Variants in SIN3B observed in about 807,000 individuals in gnomAD.
The protein encoded by SIN3B is SIN3 transcription regulator family member B.
In SIN3B, 19 loss-of-function variants were observed where a neutral mutation model predicts 120.2. The observed-to-expected ratio is 0.16, with a 90% CI of 0.11 to 0.23. The LOEUF (loss-of-function observed/expected upper bound fraction) is 0.23. Among genes scored for constraint, SIN3B ranks in the 10% least tolerant of loss-of-function variants. The pLI, the probability that SIN3B is intolerant of heterozygous loss-of-function variation, is 1.00. For missense variants in SIN3B, 1,073 were observed against 1,573.0 expected, an observed-to-expected ratio of 0.68 and a Z score of 5.38; for synonymous variants, 654 against 653.2, an observed-to-expected ratio of 1.00 and a Z score of -0.02.
At chr19:16,868,382 C>T (rs1599610347) in intron 12 of SIN3B, among the ~76,000 whole-genome samples, 2 of 152,174 alleles carry the variant, frequency 1.3e-5, no homozygotes, top group Admixed American at 6.5e-5. Flanking sequence ...ATGGCATCCA[C>T]GCTCATTTTC....
intron 13 of SIN3B, 97 bp from the exon 14 acceptor site, chr19:16,871,132 A>C (rs2051504670): frequency 4.7e-6 from 7 of 1,487,596 alleles, no homozygotes; most frequent in Non-Finnish European, 5.6e-6. Flanking sequence ...GTTGGGCCCC[A>C]TGGGGGCATT....
At chr19:16,857,852 C>CTT (rs1971637278) in intron 8 of SIN3B, among the ~76,000 whole-genome samples, 1 of 151,960 alleles carries the variant, frequency 6.6e-6, no homozygotes, top group African/African-American at 2.4e-5. Context: ...CTTTGCTTTG[C>CTT]TTCTTTTCTC....
chr19:16,877,445 G>A (rs944847945), intron 16 of SIN3B, 100 bp from the exon 17 acceptor site: 22 of 827,902 alleles, frequency 2.7e-5, no homozygotes, highest in Middle Eastern at 2.2e-4. Flanking sequence ...GCAGTGGGGG[G>A]CACAGAACCC....
At chr19:16,856,693 T>G (rs895936064) in intron 8 of SIN3B, among the ~76,000 whole-genome samples, 6 of 152,054 alleles carry the variant, frequency 3.9e-5, no homozygotes, top group African/African-American at 1.2e-4. Context: ...TGCCTCATCC[T>G]CCTGAGTAGC....
rs1161898792 is a variant in SIN3B at position 16,830,364 on chromosome 19, T to A, written c.227+467T>A. Among the ~76,000 whole-genome samples the A allele has an allele frequency of 2.0e-5, 3 of 152,254 alleles. No homozygotes were observed. In the East Asian group the frequency reaches 5.8e-4, roughly 29 times the overall value. On this transcript the variant is annotated intron_variant, in intron 2 of 18. Coordinates refer to ENST00000248054, the MANE Select transcript of SIN3B (RefSeq NM_001297595.2). Reference sequence around the variant, plus strand: ...CTGTGGTCCCAGGCCTGCTTGGAAGTAAGACGCATAAAATGCTTAGTAAGG... The same window carrying A: ...CTGTGGTCCCAGGCCTGCTTGGAAGAAAGACGCATAAAATGCTTAGTAAGG...
chr19:16,873,069 G>A (rs1490781243), intron 14 of SIN3B, among the ~76,000 whole-genome samples: 3 of 152,036 alleles, frequency 2.0e-5, no homozygotes, highest in Admixed American at 6.6e-5. Flanking sequence ...GTGCGAGGCC[G>A]CACTCTGTGT....
chr19:16,853,983 A>G (rs892062168), intron 7 of SIN3B, among the ~76,000 whole-genome samples, 160 bp from the exon 8 acceptor site: 2 of 151,892 alleles, frequency 1.3e-5, no homozygotes, highest in African/African-American at 4.8e-5. Flanking sequence ...TGGTGCATGG[A>G]TTGCGTGCAT....
At chr19:16,869,152 G>T (rs999057072) in intron 12 of SIN3B, among the ~76,000 whole-genome samples, 2 of 152,300 alleles carry the variant, frequency 1.3e-5, no homozygotes, top group Admixed American at 1.3e-4. Context: ...GCTTGACGCT[G>T]TCAGACCCCC....
At position 16,862,329 on chromosome 19, in the gene SIN3B, A is replaced by G; in HGVS notation, c.1059-23A>G. On this transcript the variant is annotated intron_variant, in intron 8 of 18. Transcript: ENST00000248054. The surrounding 1 kb of genome is among the most constrained non-coding windows in gnomAD (Gnocchi z 4.7). ...CAGAAGGCCCTGGGGATGACCAGTT[A>G]CCATGTGTCTTTATCTTTGAAGGAA... is the stretch of plus-strand genomic sequence containing the variant. 1 of 1,597,792 alleles carries G rather than the reference A, an allele frequency of 6.3e-7. No homozygotes were observed. The highest frequency in any genetic ancestry group is 1.1e-5 in the South Asian group (1 of 90,674).
rs1971567144 is a variant in SIN3B, at chr19:16,853,163, G to T, written c.939+5G>T. The T allele has an allele frequency of 3.1e-6, 5 of 1,613,684 alleles. No individual in the cohort carries two copies. Among genetic ancestry groups the T allele is most frequent in the Non-Finnish European group, 4.2e-6 (5 of 1,179,560 alleles). On this transcript the variant is annotated splice_donor_5th_base_variant and intron_variant, in intron 7 of 18. Transcript: ENST00000248054. ...GAATTTTCTTTCTTTGACAAGGTGA[G>T]GGTGGGCCCTGGCTTCCATCTTGGG...
At chr19:16,866,591 G>T (rs938056288) in intron 12 of SIN3B, 35 bp downstream of exon 12, 2 of 1,604,608 alleles carry the variant, frequency 1.2e-6, no homozygotes, top group Admixed American at 1.7e-5. Context: ...GCCGGTGGGG[G>T]TGGGGTCCTG....
intron 3 of SIN3B, among the ~76,000 whole-genome samples, chr19:16,834,772 T>C (rs1173390697): frequency 6.6e-6 from 1 of 152,032 alleles, no homozygotes; most frequent in African/African-American, 2.4e-5. Context: ...ATGAGAGATA[T>C]CCCAGGTCCA....
intron 3 of SIN3B, among the ~76,000 whole-genome samples, chr19:16,832,701 C>T (rs1416933128): frequency 2.0e-5 from 3 of 151,898 alleles, no homozygotes; most frequent in Admixed American, 1.3e-4. Flanking sequence ...CAGGGTCTCA[C>T]TATGTTGCCC....
chr19:16,870,843 C>T (rs529665252), intron 13 of SIN3B, among the ~76,000 whole-genome samples: 51 of 152,298 alleles, frequency 3.3e-4, no homozygotes, highest in African/African-American at 1.1e-3. Context: ...CATGAGCCAC[C>T]GCGCCCAGCC....
chr19:16,841,806 C>G lies in SIN3B; in HGVS notation c.420C>G (p.Phe140Leu). The G allele has an allele frequency of 6.2e-7, 1 of 1,614,124 alleles. No homozygotes were observed. Among genetic ancestry groups the G allele is most frequent in the Non-Finnish European group, 8.5e-7 (1 of 1,180,030 alleles). The change falls in exon 4 of 19, where the codon TTC becomes TTG. Residue 140 changes from phenylalanine (F) to leucine (L), a missense_variant. This residue lies in a region of SIN3B where 395 missense variants were observed against 528.0 expected (regional missense o/e 0.75). Transcript: ENST00000248054. ...SHNHGDGAEDFKQQVPYKEDK... is the reference protein window; with the variant it reads ...SHNHGDGAEDLKQQVPYKEDK... ...ACCACGGGGACGGTGCAGAGGACTT[C>G]AAGCAGCAGGTGCCGTATAAAGAGG...
chr19:16,870,000 C>A lies in SIN3B; in HGVS notation c.2347C>A (p.Arg783=). 7 of 1,613,750 alleles carry A rather than the reference C, an allele frequency of 4.3e-6. No individual in the cohort carries two copies. Among genetic ancestry groups the A allele is most frequent in the Non-Finnish European group, 5.9e-6 (7 of 1,179,964 alleles). The part of the protein sequence containing the change: ...QLLEYRTEKE[R]EKLLCEGRRE... Reference sequence around the variant, plus strand: ...TCTGGAGTATCGGACCGAGAAGGAGCGGGAGAAGCTGCTGTGTGAGGGCCG... The same window carrying A: ...TCTGGAGTATCGGACCGAGAAGGAGAGGGAGAAGCTGCTGTGTGAGGGCCG... The change falls in exon 13 of 19, where the codon CGG becomes AGG. Residue 783 remains arginine (R), a synonymous_variant. Coordinates refer to ENST00000248054, the MANE Select transcript of SIN3B (RefSeq NM_001297595.2).
intron 14 of SIN3B, 187 bp downstream of exon 14, chr19:16,871,585 A>G (rs2051512382): frequency 3.4e-6 from 2 of 583,476 alleles, no homozygotes; most frequent in Admixed American, 3.4e-5. Flanking sequence ...AACATTTGGT[A>G]CATTCACAAT....
At chr19:16,870,933 C>T (rs1008937754) in intron 13 of SIN3B, among the ~76,000 whole-genome samples, 2 of 152,120 alleles carry the variant, frequency 1.3e-5, no homozygotes, top group Non-Finnish European at 2.9e-5. Context: ...TCAGGTGATC[C>T]GCCTGCCTCA....
At position 16,857,517 on chromosome 19, in the gene SIN3B, ATGTGTG is replaced by A. The variant is rs72233219; in HGVS notation, c.1058+3288_1058+3293del. 3.7e-3 allele frequency among the ~76,000 whole-genome samples: 345 copies of A among 93,468 alleles called. 1 individual carries two copies. The highest frequency in any genetic ancestry group is 0.018 in the Middle Eastern group (3 of 166). 61.3% of individuals were successfully genotyped at this position (93,468 alleles called of 152,430 possible). A position where few individuals can be genotyped will look rare whatever the true frequency, so the allele number is the denominator to read the frequency against. ...CCTTTTGCATTAACTTAAAAAAAAT[ATGTGTG>A]TGTGTGTGTGTGTGTGTGTGTGTGT... On this transcript the variant is annotated intron_variant, in intron 8 of 18. Transcript: ENST00000248054.
Sources: gnomAD v4.1 joint callset for allele counts (sites outside exome capture counted in the v4.1 genomes callset) on GRCh38, gnomAD v4.1.1 for gene constraint, gnomAD v4.1.1 regional missense constraint, Gnocchi (gnomAD v3.1) non-coding constraint, MANE v1.5 for transcripts, NCBI Gene and HGNC (gene_info 2026-07-23, HGNC 2026-07-21) for gene names.